The following EVA1A variants were observed in gnomAD, a reference collection of about 807,000 sequenced individuals.
EVA1A encodes eva-1 homolog A, regulator of programmed cell death.
In EVA1A, 7 loss-of-function variants were observed where a neutral mutation model predicts 9.8. That is an observed-to-expected ratio of 0.71 (90% CI 0.41 to 1.34). EVA1A has a LOEUF of 1.34. Among genes scored for constraint, EVA1A ranks in the 40% most tolerant of loss-of-function variants. The pLI, the probability that EVA1A is intolerant of heterozygous loss-of-function variation, is 0.01. For synonymous variants in EVA1A, 90 were observed against 85.6 expected, an observed-to-expected ratio of 1.05 and a Z score of -0.28; for missense variants, 206 against 205.9, an observed-to-expected ratio of 1.00 and a Z score of 0.00.
chr2:75,495,405 C>T (rs561536869), intron 3 of EVA1A, among the ~76,000 whole-genome samples: 1 of 152,262 alleles, frequency 6.6e-6, no homozygotes, highest in African/African-American at 2.4e-5. Context: ...AAATTCAAGC[C>T]TACTGAAGAC....
rs914308037 is a variant in EVA1A, at chr2:75,519,580, C to A, written c.-68-1372G>T. ...GAGCTCCAGGGACTTTGAAAAGAGACTGGCTGCTGTTAAGGGACCCTTGAG... is the reference window on the plus strand; with the variant it reads ...GAGCTCCAGGGACTTTGAAAAGAGAATGGCTGCTGTTAAGGGACCCTTGAG... On this transcript the variant is annotated intron_variant, in intron 2 of 3. Transcript: ENST00000393913. 3.3e-5 allele frequency among the ~76,000 whole-genome samples: 5 copies of A among 152,252 alleles called. No individual in the cohort carries two copies. In the East Asian group the frequency reaches 7.7e-4, roughly 24 times the overall value.
intron 2 of EVA1A, among the ~76,000 whole-genome samples, chr2:75,522,089 C>T (rs1246785320): frequency 1.3e-5 from 2 of 151,698 alleles, no homozygotes; most frequent in African/African-American, 4.8e-5. Flanking sequence ...TGTACTCTAC[C>T]ATATTTATAG....
At chr2:75,522,057 T>A (rs545998563) in intron 2 of EVA1A, among the ~76,000 whole-genome samples, 2 of 152,322 alleles carry the variant, frequency 1.3e-5, no homozygotes, top group African/African-American at 4.8e-5. Flanking sequence ...CATTTATTTT[T>A]AAAAATTGGA....
intron 1 of EVA1A, among the ~76,000 whole-genome samples, chr2:75,555,059 T>C (rs958553986): frequency 2.6e-5 from 4 of 152,200 alleles, no homozygotes; most frequent in Non-Finnish European, 4.4e-5. Flanking sequence ...AAGTGGTGAA[T>C]AAATGAGTAA....
chr2:75,555,491 T>C (rs1676680433), intron 1 of EVA1A, among the ~76,000 whole-genome samples: 1 of 152,070 alleles, frequency 6.6e-6, no homozygotes, highest in Admixed American at 6.6e-5. Flanking sequence ...AGCTAGGACT[T>C]TGAAAAGAAA....
intron 3 of EVA1A, among the ~76,000 whole-genome samples, chr2:75,514,434 G>C (rs1008846064): frequency 1.3e-5 from 2 of 152,082 alleles, no homozygotes; most frequent in Non-Finnish European, 2.9e-5. Flanking sequence ...AGGAAGTTAG[G>C]AAAGACAGAG....
chr2:75,519,819 TCC>T (rs759057343), intron 2 of EVA1A, among the ~76,000 whole-genome samples: 4,851 of 152,312 alleles, frequency 0.032, 153 homozygotes, highest in East Asian at 0.15. Flanking sequence ...ATTCCCTCCT[TCC>T]TGTCTCCACT....
In EVA1A at chr2:75,493,362, C is replaced by A. The variant is rs373778304; in HGVS notation, c.333G>T (p.Val111=). ...RRFERTLNKN[V]FTSAEELERA... ...GCTCCAGCTCCTCCGCAGAGGTGAACACATTCTTGTTCAAAGTCCTCTCGA... is the reference window on the plus strand; with the variant it reads ...GCTCCAGCTCCTCCGCAGAGGTGAAAACATTCTTGTTCAAAGTCCTCTCGA... Residue 111 remains valine (V), a synonymous_variant, in exon 4 of 4, where the codon GTG becomes GTT. Transcript: ENST00000393913. 1 of 1,614,270 alleles carries A rather than the reference C, an allele frequency of 6.2e-7. No homozygotes were observed. The highest frequency in any genetic ancestry group is 8.5e-7 in the Non-Finnish European group (1 of 1,180,052).
chr2:75,501,743 G>A (rs1674432785), intron 3 of EVA1A, among the ~76,000 whole-genome samples: 1 of 152,170 alleles, frequency 6.6e-6, no homozygotes, highest in South Asian at 2.1e-4. Context: ...CTGCTCTCAT[G>A]GATAGAGGAA....
intron 3 of EVA1A, among the ~76,000 whole-genome samples, chr2:75,497,972 G>T (rs1339784477): frequency 6.6e-6 from 1 of 151,804 alleles, no homozygotes; most frequent in African/African-American, 2.4e-5. Flanking sequence ...TCCCACTACT[G>T]GGTGTATATC....
intron 1 of EVA1A, among the ~76,000 whole-genome samples, chr2:75,523,525 C>T (rs956506467): frequency 2.6e-5 from 4 of 152,256 alleles, no homozygotes; most frequent in Non-Finnish European, 5.9e-5. Context: ...AGAGAAACCC[C>T]GATTTTCTTT....
chr2:75,513,057 G>C (rs1572956732), intron 3 of EVA1A, among the ~76,000 whole-genome samples: 1 of 152,044 alleles, frequency 6.6e-6, no homozygotes. Flanking sequence ...TTTTGATCTT[G>C]AATCAGCCTG....
At chr2:75,533,261 A>C (rs6731659) in intron 1 of EVA1A, among the ~76,000 whole-genome samples, 3 of 151,996 alleles carry the variant, frequency 2.0e-5, no homozygotes, top group African/African-American at 7.3e-5. Context: ...GGAAAAAACA[A>C]TTCAGAACAC....
intron 3 of EVA1A, among the ~76,000 whole-genome samples, chr2:75,504,601 G>A (rs909932988): frequency 3.3e-5 from 5 of 152,130 alleles, no homozygotes; most frequent in African/African-American, 9.7e-5. Context: ...CTACCTGGCT[G>A]GCTCTGATGT....
chr2:75,564,116 A>T (rs1202895457), upstream of EVA1A, among the ~76,000 whole-genome samples: 2 of 152,194 alleles, frequency 1.3e-5, no homozygotes, highest in Non-Finnish European at 2.9e-5. Context: ...ACTAGGGCAA[A>T]TTCTCAATGG....
chr2:75,531,992 T>C (rs1220117307), intron 1 of EVA1A, among the ~76,000 whole-genome samples: 1 of 151,646 alleles, frequency 6.6e-6, no homozygotes. Flanking sequence ...ACCCCGTCTC[T>C]ACTAAAAATA....
In EVA1A at chr2:75,493,225, C is replaced by T; in HGVS notation, c.*11G>A. The T allele has an allele frequency of 6.2e-7, 1 of 1,600,064 alleles. No homozygotes were observed. Among genetic ancestry groups the T allele is most frequent in the Non-Finnish European group, 8.5e-7 (1 of 1,172,258 alleles). ...GGCGGCCTCCAGTGGTTTCCGGGGT[C>T]CTGCTGCTCCCTAATAGTAGCGATT... On this transcript the variant is annotated 3_prime_UTR_variant, in exon 4 of 4. Coordinates refer to ENST00000393913, the MANE Select transcript of EVA1A (RefSeq NM_001135032.2).
At chr2:75,550,226 A>G (rs560969693) in intron 1 of EVA1A, among the ~76,000 whole-genome samples, 1 of 152,300 alleles carries the variant, frequency 6.6e-6, no homozygotes, top group South Asian at 2.1e-4. Context: ...TTCCAAGCAG[A>G]GGGTTGTCAC....
chr2:75,527,296 A>C (rs1285389280), intron 1 of EVA1A, among the ~76,000 whole-genome samples: 1 of 152,244 alleles, frequency 6.6e-6, no homozygotes, highest in Non-Finnish European at 1.5e-5. Flanking sequence ...AGAAGGCACA[A>C]GGGGAGAGAT....
Sources: gnomAD v4.1 joint callset for allele counts (sites outside exome capture counted in the v4.1 genomes callset) on GRCh38, gnomAD v4.1.1 for gene constraint, MANE v1.5 for transcripts, NCBI Gene and HGNC (gene_info 2026-07-23, HGNC 2026-07-21) for gene names.